Variants in PRKCB observed in about 807,000 individuals in gnomAD.
PRKCB encodes the protein protein kinase C beta, also known as protein kinase C beta type.
In PRKCB, 13 loss-of-function variants were observed where a neutral mutation model predicts 81.5. That is an observed-to-expected ratio of 0.16 (90% CI 0.10 to 0.25). The LOEUF is 0.25. Among genes scored for constraint, PRKCB ranks in the 10% least tolerant of loss-of-function variants. The pLI is 1.00. For synonymous variants in PRKCB, 335 were observed against 321.4 expected, an observed-to-expected ratio of 1.04 and a Z score of -0.45; for missense variants, 509 against 875.7, an observed-to-expected ratio of 0.58 and a Z score of 5.29.
intron 3 of PRKCB, among the ~76,000 whole-genome samples, chr16:24,006,331 G>A (rs1046688768): frequency 1.3e-5 from 2 of 152,214 alleles, no homozygotes; most frequent in Admixed American, 6.5e-5. Context: ...TTGTGGTGCA[G>A]TTCTAAAGGA....
chr16:24,151,679 C>T (rs533770846), intron 9 of PRKCB: 2 of 405,480 alleles, frequency 4.9e-6, no homozygotes, highest in Non-Finnish European at 1.0e-5. Flanking sequence ...CAGTGGGAGT[C>T]GAATGTTCAA....
intron 7 of PRKCB, chr16:24,099,567 T>A (rs969586449): frequency 3.9e-5 from 6 of 152,212 alleles, no homozygotes; most frequent in African/African-American, 1.4e-4. Context: ...TACATTGGTT[T>A]GGGCCCAAAA....
chr16:23,861,342 T>C (rs1962660838), intron 2 of PRKCB, among the ~76,000 whole-genome samples: 1 of 152,132 alleles, frequency 6.6e-6, no homozygotes, highest in Non-Finnish European at 1.5e-5. Context: ...CTAATTATTT[T>C]ATTTTTTATA....
chr16:24,107,779 G>T (rs1966597407), intron 7 of PRKCB, among the ~76,000 whole-genome samples: 1 of 152,100 alleles, frequency 6.6e-6, no homozygotes, highest in Admixed American at 6.5e-5. Context: ...CCCTCACCCG[G>T]TCATTGATGG....
chr16:24,150,023 C>A (rs958865033), intron 9 of PRKCB, among the ~76,000 whole-genome samples: 4 of 152,118 alleles, frequency 2.6e-5, no homozygotes, highest in Admixed American at 1.3e-4. Context: ...TCTTTGCCTG[C>A]ACAGTGGTAG....
chr16:23,999,387 G>T (rs543626572), intron 3 of PRKCB, among the ~76,000 whole-genome samples: 1 of 152,224 alleles, frequency 6.6e-6, no homozygotes, highest in African/African-American at 2.4e-5. Flanking sequence ...GTAGAGCTTT[G>T]TGCTGTTGGC....
chr16:23,865,501 A>G (rs1256346454), intron 2 of PRKCB, among the ~76,000 whole-genome samples: 4 of 12,542 alleles, frequency 3.2e-4, no homozygotes, highest in African/African-American at 1.4e-3. Flanking sequence ...ATATATATAT[A>G]TATATATATA....
At chr16:23,902,728 T>TCCCTCCCTCCCTC (rs1963493847) in intron 2 of PRKCB, among the ~76,000 whole-genome samples, 4 of 20,358 alleles carry the variant, frequency 2.0e-4, no homozygotes, top group East Asian at 3.8e-3. Context: ...CTCCCTCCCT[T>TCCCTCCCTCCCTC]CCTCCCTTCC....
chr16:24,063,420 A>C (rs924123604), intron 5 of PRKCB, among the ~76,000 whole-genome samples: 9 of 151,300 alleles, frequency 5.9e-5, no homozygotes, highest in Admixed American at 5.9e-4. Flanking sequence ...TCAGCCTCTC[A>C]AGTAGCTGGG....
chr16:23,997,653 C>T (rs79923440), intron 3 of PRKCB, among the ~76,000 whole-genome samples: 177 of 152,200 alleles, frequency 1.2e-3, no homozygotes, highest in African/African-American at 4.1e-3. Flanking sequence ...TATCATGTAA[C>T]GTAAGATGTA....
intron 2 of PRKCB, among the ~76,000 whole-genome samples, chr16:23,845,156 A>G (rs1252971297): frequency 6.6e-6 from 1 of 152,204 alleles, no homozygotes; most frequent in African/African-American, 2.4e-5. Flanking sequence ...ATTTTAGGTG[A>G]CAGAATACAA....
In PRKCB at chr16:24,154,855, A is replaced by T. The variant is rs369508594; in HGVS notation, c.1237A>T (p.Met413Leu). The T allele has an allele frequency of 1.3e-4, 216 of 1,613,352 alleles. 1 individual carries two copies. In the South Asian group the frequency reaches 1.8e-3, roughly 13 times the overall value. The change falls in exon 10 of 17, where the codon ATG (methionine) becomes TTG (leucine). Residue 413 changes from methionine to leucine, a missense_variant and splice_region_variant. Around this residue, in one of 6 missense-constraint regions of PRKCB, gnomAD observed 106 missense variants for 214.0 expected, o/e 0.50. Transcript: ENST00000643927. The part of the protein sequence containing the change: ...LTQLHSCFQT[M>L]DRLYFVMEYV... Reference sequence around the variant, plus strand: ...CCAGCTCCACTCCTGCTTCCAGACCATGGTAACTTGTCCCATGGCCCTGGG... The same window carrying T: ...CCAGCTCCACTCCTGCTTCCAGACCTTGGTAACTTGTCCCATGGCCCTGGG...
intron 2 of PRKCB, among the ~76,000 whole-genome samples, chr16:23,883,915 A>G (rs1963161246): frequency 6.6e-6 from 1 of 152,246 alleles, no homozygotes. Flanking sequence ...AAATGGTCAA[A>G]GGAAACAGGT....
chr16:23,886,705 G>A (rs1464678534), intron 2 of PRKCB, among the ~76,000 whole-genome samples: 1 of 152,138 alleles, frequency 6.6e-6, no homozygotes, highest in Non-Finnish European at 1.5e-5. Context: ...GAGCCACCGT[G>A]CCCAGCCGTG....
intron 2 of PRKCB, chr16:23,892,891 G>A (rs1015061162): frequency 2.0e-5 from 3 of 151,690 alleles, no homozygotes. Flanking sequence ...CTGTCTCCAC[G>A]ATACCATGTG....
intron 3 of PRKCB, among the ~76,000 whole-genome samples, chr16:23,991,275 T>C (rs954399749): frequency 6.6e-6 from 1 of 152,154 alleles, no homozygotes; most frequent in Non-Finnish European, 1.5e-5. Context: ...GTAATTGAGG[T>C]TAAGAACTCC....
At chr16:24,068,585 C>T (rs562761778) in intron 5 of PRKCB, among the ~76,000 whole-genome samples, 1 of 151,536 alleles carries the variant, frequency 6.6e-6, no homozygotes, top group Non-Finnish European at 1.5e-5. Flanking sequence ...TATAGTTGCT[C>T]TCAGTGGGAG....
rs1402742221 is a variant in PRKCB, at chr16:23,952,545, G to A, written c.206-35963G>A. On this transcript the variant is annotated intron_variant, in intron 2 of 16. Transcript: ENST00000643927. ...TGTTTCTGGGAGGGTGGGGCGACTG[G>A]AGGGGGTTAAATAGCTCCCAGAGGC... Among the ~76,000 whole-genome samples the A allele has an allele frequency of 3.3e-5, 5 of 152,136 alleles. No individual in the cohort carries two copies. In the East Asian group the frequency reaches 5.8e-4, roughly 18 times the overall value.
intron 15 of PRKCB, among the ~76,000 whole-genome samples, chr16:24,188,194 C>G (rs1967734181): frequency 6.6e-6 from 1 of 152,186 alleles, no homozygotes; most frequent in African/African-American, 2.4e-5. Context: ...TGGGGTGACT[C>G]TCTTACTATT....
Sources: allele counts gnomAD v4.1 joint callset (sites outside exome capture counted in the v4.1 genomes callset), GRCh38; gene constraint gnomAD v4.1.1; regional missense constraint gnomAD v4.1.1; transcripts MANE v1.5; gene names NCBI Gene and HGNC (gene_info 2026-07-23, HGNC 2026-07-21).